The following CNTN5 variants were observed in gnomAD, a reference collection of about 807,000 sequenced individuals.
The protein encoded by CNTN5 is contactin-5.
A neutral mutation model predicts 129.1 loss-of-function variants in CNTN5; 77 were observed. The ratio of observed to expected loss-of-function variants is 0.60; its 90% confidence interval spans 0.50 to 0.72. The LOEUF (loss-of-function observed/expected upper bound fraction) is 0.72. Among genes scored for constraint, CNTN5 ranks in the 30% least tolerant of loss-of-function variants. The pLI is 0.00. For missense variants in CNTN5, 1,478 were observed against 1,328.8 expected (o/e 1.11, Z -1.75); for synonymous variants, 509 against 465.6 (o/e 1.09, Z -1.20).
At chr11:99,171,483 C>T (rs372851228) in intron 1 of CNTN5, among the ~76,000 whole-genome samples, 10 of 152,254 alleles carry the variant, frequency 6.6e-5, no homozygotes, top group African/African-American at 1.9e-4. Flanking sequence ...TCATGTAACA[C>T]GTACTCCAGT....
intron 1 of CNTN5, among the ~76,000 whole-genome samples, chr11:99,047,850 CT>C (rs796216257): frequency 5.8e-4 from 89 of 152,142 alleles, no homozygotes; most frequent in African/African-American, 2.1e-3. Context: ...ATTATTTTAA[CT>C]TTCAATAGTT....
intron 16 of CNTN5, among the ~76,000 whole-genome samples, chr11:100,229,258 T>G (rs1949443470): frequency 6.6e-6 from 1 of 152,216 alleles, no homozygotes; most frequent in Admixed American, 6.5e-5. Flanking sequence ...TTTTGTTCGT[T>G]GTGTTGATGT....
intron 1 of CNTN5, among the ~76,000 whole-genome samples, chr11:99,279,401 G>T (rs568894691): frequency 6.6e-6 from 1 of 151,890 alleles, no homozygotes; most frequent in South Asian, 2.1e-4. Context: ...ATGCTGCACT[G>T]AATTCTAAGA....
At chr11:100,012,044 G>C (rs1940563805) in intron 9 of CNTN5, among the ~76,000 whole-genome samples, 1 of 152,152 alleles carries the variant, frequency 6.6e-6, no homozygotes, top group Non-Finnish European at 1.5e-5. Flanking sequence ...TGTGGTATTT[G>C]TCTATCAAAC....
chr11:99,917,847 A>C (rs1949833614), intron 7 of CNTN5, among the ~76,000 whole-genome samples: 1 of 152,150 alleles, frequency 6.6e-6, no homozygotes. Context: ...AGATAAGAAT[A>C]GGCACTAATA....
Position 100,047,147 on chromosome 11 carries a change from AG to A in CNTN5, c.981-14064del, listed in dbSNP as rs201279275. ...CAGGGCGGAAAAACTAAGAAAAACTAGTAGAGAAGGAACAAAAAAAACAGAA... is the reference window on the plus strand; with the variant it reads ...CAGGGCGGAAAAACTAAGAAAAACTATAGAGAAGGAACAAAAAAAACAGAA... On this transcript the variant is annotated intron_variant, in intron 9 of 24. Transcript: ENST00000524871. Among the ~76,000 whole-genome samples, 1,235 of 152,228 alleles carry A rather than the reference AG, an allele frequency of 8.1e-3. 13 individuals are homozygous for A. The highest frequency in any genetic ancestry group is 0.025 in the African/African-American group (1,046 of 41,548).
chr11:99,990,549 C>T (rs1308241750), intron 8 of CNTN5, among the ~76,000 whole-genome samples: 2 of 151,548 alleles, frequency 1.3e-5, no homozygotes, highest in African/African-American at 4.8e-5. Context: ...TTCAATCATC[C>T]TACATAAATA....
chr11:99,454,676 C>T (rs1944431992), intron 2 of CNTN5, among the ~76,000 whole-genome samples: 1 of 152,252 alleles, frequency 6.6e-6, no homozygotes, highest in East Asian at 1.9e-4. Flanking sequence ...ATAAATTACC[C>T]AGTCCCAGAC....
intron 16 of CNTN5, among the ~76,000 whole-genome samples, chr11:100,243,056 C>A (rs1949774712): frequency 6.6e-6 from 1 of 152,212 alleles, no homozygotes; most frequent in Non-Finnish European, 1.5e-5. Context: ...GGCACTTCCA[C>A]CTCTGTAATC....
intron 1 of CNTN5, among the ~76,000 whole-genome samples, chr11:99,137,566 T>C (rs552696038): frequency 6.6e-6 from 1 of 152,312 alleles, no homozygotes; most frequent in Non-Finnish European, 1.5e-5. Context: ...TATCATATTT[T>C]ATTAAAGTGA....
At chr11:99,408,277 G>T (rs1942183698) in intron 2 of CNTN5, among the ~76,000 whole-genome samples, 1 of 150,562 alleles carries the variant, frequency 6.6e-6, no homozygotes, top group Admixed American at 6.6e-5. Flanking sequence ...GGAGTGCAGT[G>T]GTGCGATCAT....
At chr11:99,782,766 G>A (rs1175333812) in intron 3 of CNTN5, among the ~76,000 whole-genome samples, 1 of 151,982 alleles carries the variant, frequency 6.6e-6, no homozygotes, top group Non-Finnish European at 1.5e-5. Flanking sequence ...GGGAAAACTG[G>A]CTAGCCATAT....
At chr11:99,842,351 A>G (rs1239141548) in intron 4 of CNTN5, among the ~76,000 whole-genome samples, 1 of 152,232 alleles carries the variant, frequency 6.6e-6, no homozygotes, top group Non-Finnish European at 1.5e-5. Flanking sequence ...TTATACTACA[A>G]GTAAATATTA....
intron 1 of CNTN5, among the ~76,000 whole-genome samples, chr11:99,133,615 C>CAAAAAAAAAAAAAAAAAAAAAAAAA (rs566769880): frequency 1.9e-5 from 2 of 106,008 alleles, no homozygotes; most frequent in Non-Finnish European, 3.8e-5. Context: ...AGACACTTCT[C>CAAAAAAAAAAAAAAAAAAAAAAAAA]AAGAAAAAAA....
chr11:99,442,627 G>A (rs913224947), intron 2 of CNTN5, among the ~76,000 whole-genome samples: 22 of 152,104 alleles, frequency 1.4e-4, no homozygotes, highest in Non-Finnish European at 2.5e-4. Flanking sequence ...TTGTGAATAC[G>A]CATGAATATG....
At chr11:100,204,978 G>C (rs528255662) in intron 15 of CNTN5, among the ~76,000 whole-genome samples, 8 of 151,920 alleles carry the variant, frequency 5.3e-5, no homozygotes, top group Non-Finnish European at 1.2e-4. Context: ...ATATGAAAAA[G>C]ATTTTTCTTT....
chr11:99,499,059 T>C (rs1207922785), intron 2 of CNTN5, among the ~76,000 whole-genome samples: 1 of 152,146 alleles, frequency 6.6e-6, no homozygotes, highest in Non-Finnish European at 1.5e-5. Flanking sequence ...TACTGCTTTC[T>C]TTCTCAATCA....
intron 2 of CNTN5, among the ~76,000 whole-genome samples, chr11:99,523,946 G>A (rs1947388105): frequency 6.6e-6 from 1 of 152,150 alleles, no homozygotes; most frequent in South Asian, 2.1e-4. Flanking sequence ...TCTCTGAATA[G>A]CCCAGACTAC....
rs888244728 is a variant in CNTN5 at position 100,255,975 on chromosome 11, C to A, written c.2164+57C>A. ...CCAGAGTGGCCTTCTATCTCATAAG[C>A]TATATTTGGCTAAGGTCTTACTATG... On this transcript the variant is annotated intron_variant, in intron 17 of 24. Transcript: ENST00000524871. 19 of 1,470,188 alleles carry A rather than the reference C, an allele frequency of 1.3e-5. No individual in the cohort carries two copies. In the African/African-American group the frequency reaches 2.2e-4, roughly 17 times the overall value. The allele number at this position is 1,470,188 out of a possible 1,614,324, so 91.1% of individuals were successfully genotyped here. A position where few individuals can be genotyped will look rare whatever the true frequency, so the allele number is the denominator to read the frequency against.
Sources: gnomAD v4.1 joint callset for allele counts (sites outside exome capture counted in the v4.1 genomes callset) on GRCh38, gnomAD v4.1.1 for gene constraint, MANE v1.5 for transcripts, NCBI Gene and HGNC (gene_info 2026-07-23, HGNC 2026-07-21) for gene names.